NEDD4: variants seen among roughly 807,000 people sequenced by gnomAD.
NEDD4 encodes the protein E3 ubiquitin-protein ligase NEDD4.
A neutral mutation model predicts 144.9 loss-of-function variants in NEDD4; 99 were observed. The ratio of observed to expected loss-of-function variants is 0.68; its 90% CI spans 0.58 to 0.81. NEDD4 has a LOEUF of 0.81. NEDD4 is among the 30% of genes least tolerant of loss of function. NEDD4 has a pLI of 0.00. For missense variants in NEDD4, 985 were observed against 1,065.9 expected, an observed-to-expected ratio of 0.92 and a Z score of 1.06; for synonymous variants, 318 against 350.6, an observed-to-expected ratio of 0.91 and a Z score of 1.04.
rs760407940 is a variant in NEDD4 at position 55,829,996 on chromosome 15, A to G, written c.2604T>C (p.Phe868=). The G allele has an allele frequency of 6.2e-7, 1 of 1,610,084 alleles. No homozygotes were observed. The highest frequency in any genetic ancestry group is 1.1e-5 in the South Asian group (1 of 90,300). ...PEKLPRAHTC[F]NRLDLPPYES... ...CATAAGGTGGCAAGTCCAGGCGATT[A>G]AAACTGAAAGAACAGAGAGGAAGTG... The change falls in exon 29 of 29, where the codon TTT becomes TTC. Residue 868 remains phenylalanine, a synonymous_variant. Coordinates refer to ENST00000435532, the MANE Select transcript of NEDD4 (RefSeq NM_006154.4).
chr15:55,953,952 C>T (rs1016145238), intron 2 of NEDD4, among the ~76,000 whole-genome samples: 3 of 152,300 alleles, frequency 2.0e-5, no homozygotes, highest in African/African-American at 7.2e-5. Flanking sequence ...AATCTCTTGA[C>T]CTCGTGACCC....
intron 1 of NEDD4, among the ~76,000 whole-genome samples, chr15:55,992,570 C>T (rs7181344): frequency 0.62 from 94,393 of 152,026 alleles, 30,907 homozygotes; most frequent in East Asian, 0.99. Context: ...AAGCAAAAAA[C>T]TTGATTTTTT....
chr15:55,831,575 T>C (rs1241157165), intron 27 of NEDD4, among the ~76,000 whole-genome samples: 3 of 152,122 alleles, frequency 2.0e-5, no homozygotes, highest in Non-Finnish European at 4.4e-5. Flanking sequence ...CAAGTCCAAT[T>C]AGGCAAAGAA....
intron 4 of NEDD4, among the ~76,000 whole-genome samples, chr15:55,948,521 G>A (rs1271949999): frequency 6.6e-6 from 1 of 152,108 alleles, no homozygotes; most frequent in Non-Finnish European, 1.5e-5. Context: ...AAAGAACAAA[G>A]CTGGAGGCAT....
At chr15:55,985,663 G>C (rs1223692968) in intron 1 of NEDD4, among the ~76,000 whole-genome samples, 2 of 152,034 alleles carry the variant, frequency 1.3e-5, no homozygotes, top group Non-Finnish European at 2.9e-5. Context: ...GAAAAAATCA[G>C]TATGAATTCA....
chr15:55,963,111 T>C (rs1304795024), intron 2 of NEDD4, among the ~76,000 whole-genome samples: 1 of 150,466 alleles, frequency 6.6e-6, no homozygotes, highest in African/African-American at 2.4e-5. Context: ...ATCATTTGCT[T>C]CTCCTTTTCT....
intron 5 of NEDD4, among the ~76,000 whole-genome samples, chr15:55,895,331 TGA>T (rs2035704486): frequency 1.3e-5 from 2 of 152,166 alleles, no homozygotes; most frequent in Non-Finnish European, 2.9e-5. Flanking sequence ...AAATGAGAAA[TGA>T]AATCAGCAGA....
At chr15:55,943,095 C>T (rs531059112) in intron 4 of NEDD4, among the ~76,000 whole-genome samples, 1 of 152,312 alleles carries the variant, frequency 6.6e-6, no homozygotes, top group East Asian at 1.9e-4. Flanking sequence ...TTCTAAGCAG[C>T]AAAGTGTTCA....
intron 1 of NEDD4, among the ~76,000 whole-genome samples, chr15:55,989,930 TC>T (rs2037962172): frequency 6.6e-6 from 1 of 152,104 alleles, no homozygotes. Context: ...CCTCCGGAGC[TC>T]TGCTGCCTGT....
chr15:55,905,786 T>G (rs1245053855), intron 5 of NEDD4, among the ~76,000 whole-genome samples: 6 of 152,146 alleles, frequency 3.9e-5, no homozygotes, highest in African/African-American at 1.4e-4. Flanking sequence ...CTTTGTCAGA[T>G]AAGTAGATTG....
At position 55,920,188 on chromosome 15, in the gene NEDD4, A is replaced by AATAT. The variant is rs61628148; in HGVS notation, c.291+4454_291+4457dup. Among the ~76,000 whole-genome samples the AATAT allele has an allele frequency of 6.7e-3, 1,008 of 150,390 alleles. 14 individuals carry two copies. The highest frequency in any genetic ancestry group is 0.022 in the African/African-American group (921 of 41,140). On this transcript the variant is annotated intron_variant, in intron 5 of 28. Transcript: ENST00000435532. ...CTTCACTATATATATATTGTGTGGAAATATATATATTCATATATTATACAT... is the reference window on the plus strand; with the variant it reads ...CTTCACTATATATATATTGTGTGGAAATATATATATATATTCATATATTATACAT...
chr15:55,941,951 T>C (rs2037013802), intron 4 of NEDD4, among the ~76,000 whole-genome samples: 2 of 152,200 alleles, frequency 1.3e-5, no homozygotes, highest in African/African-American at 4.8e-5. Flanking sequence ...TTGGTAAATG[T>C]TCCATGGGCA....
intron 2 of NEDD4, among the ~76,000 whole-genome samples, chr15:55,960,744 T>C (rs148864425): frequency 6.6e-6 from 1 of 152,284 alleles, no homozygotes; most frequent in African/African-American, 2.4e-5. Flanking sequence ...TCCATGAAAT[T>C]TATGCCTACT....
intron 8 of NEDD4, among the ~76,000 whole-genome samples, chr15:55,864,140 C>T (rs530899633): frequency 8.5e-5 from 13 of 152,150 alleles, no homozygotes; most frequent in Admixed American, 2.0e-4. Flanking sequence ...ATATGAGAAA[C>T]CTCACAAAAG....
At chr15:55,892,649 A>G (rs1180631407) in intron 5 of NEDD4, among the ~76,000 whole-genome samples, 1 of 152,160 alleles carries the variant, frequency 6.6e-6, no homozygotes, top group Non-Finnish European at 1.5e-5. Context: ...AACAGTTTCT[A>G]CCCTCCAGCT....
At chr15:55,893,182 C>A (rs1399452274) in intron 5 of NEDD4, among the ~76,000 whole-genome samples, 40 of 152,020 alleles carry the variant, frequency 2.6e-4, no homozygotes, top group Admixed American at 2.6e-3. Context: ...ATCAAAGATT[C>A]AAGATCAAGA....
intron 4 of NEDD4, among the ~76,000 whole-genome samples, chr15:55,925,709 A>C (rs1313339950): frequency 6.6e-6 from 1 of 152,196 alleles, no homozygotes; most frequent in Admixed American, 6.5e-5. Context: ...CTTGTGACAA[A>C]GATATCTAGA....
intron 4 of NEDD4, chr15:55,934,769 A>C (rs1287388427): frequency 6.6e-6 from 1 of 151,152 alleles, no homozygotes; most frequent in East Asian, 1.9e-4. Context: ...AAATACCAGC[A>C]TATAAGAAAT....
At chr15:55,929,510 C>T (rs1183322887) in intron 4 of NEDD4, among the ~76,000 whole-genome samples, 8 of 152,002 alleles carry the variant, frequency 5.3e-5, no homozygotes, top group African/African-American at 1.4e-4. Flanking sequence ...AAGCAGGCCG[C>T]GGTGTCTATT....
Sources: gnomAD v4.1 joint callset for allele counts (sites outside exome capture counted in the v4.1 genomes callset) on GRCh38, gnomAD v4.1.1 for gene constraint, MANE v1.5 for transcripts, NCBI Gene and HGNC (gene_info 2026-07-23, HGNC 2026-07-21) for gene names.